The following ANKFN1 variants were observed in gnomAD, a reference collection of about 807,000 sequenced individuals.
ANKFN1 encodes ankyrin repeat and fibronectin type III domain containing 1, also known as ankyrin repeat and fibronectin type-III domain-containing protein 1.
In ANKFN1, 74 loss-of-function variants were observed where a neutral mutation model predicts 108.7. The ratio of observed to expected loss-of-function variants is 0.68; its 90% confidence interval spans 0.56 to 0.83. ANKFN1 has a LOEUF of 0.83. ANKFN1 is among the 40% of genes least tolerant of loss of function. The pLI is 0.00. For missense variants in ANKFN1, 1,505 were observed against 1,382.3 expected, an observed-to-expected ratio of 1.09 and a Z score of -1.41; for synonymous variants, 547 against 516.2, an observed-to-expected ratio of 1.06 and a Z score of -0.81.
chr17:56,092,423 C>G (rs1322593368), intron 4 of ANKFN1, among the ~76,000 whole-genome samples: 1 of 150,312 alleles, frequency 6.7e-6, no homozygotes, highest in Admixed American at 6.6e-5. Context: ...TACAGGCACC[C>G]CCCACCACGC....
chr17:56,344,667 A>G (rs1461076358), intron 4 of ANKFN1, among the ~76,000 whole-genome samples: 3 of 150,648 alleles, frequency 2.0e-5, no homozygotes, highest in African/African-American at 7.4e-5. Context: ...TTTTGGAAAG[A>G]AAAAAAAACA....
intron 3 of ANKFN1, among the ~76,000 whole-genome samples, chr17:56,307,679 G>A (rs893061666): frequency 1.1e-3 from 170 of 152,198 alleles, no homozygotes; most frequent in African/African-American, 2.5e-3. Context: ...GCGATTCCTC[G>A]GGGATCTAGA....
At chr17:56,282,875 A>G (rs539520198) in intron 3 of ANKFN1, among the ~76,000 whole-genome samples, 2 of 152,356 alleles carry the variant, frequency 1.3e-5, no homozygotes, top group Middle Eastern at 6.8e-3. Context: ...AAAAAATAAA[A>G]GTATAAGAAA....
Position 56,511,371 on chromosome 17 carries a change from G to C in ANKFN1, c.*102G>C. ...ACTGTGTACCCACTCATTTTCAAGC[G>C]TTTTGAATGTTATAAATACAAAGGT... is the stretch of plus-strand genomic sequence containing the variant. On this transcript the variant is annotated 3_prime_UTR_variant, in exon 21 of 21. Coordinates refer to ENST00000682825, the MANE Select transcript of ANKFN1 (RefSeq NM_001370326.1). 1 of 1,205,440 alleles carries C rather than the reference G, an allele frequency of 8.3e-7. No homozygotes were observed. The allele number at this position is 1,205,440 out of a possible 1,614,324, so 74.7% of individuals were successfully genotyped here.
At chr17:56,121,219 T>C (rs1342211932) in intron 4 of ANKFN1, among the ~76,000 whole-genome samples, 1 of 152,140 alleles carries the variant, frequency 6.6e-6, no homozygotes, top group Non-Finnish European at 1.5e-5. Context: ...TGTTTTTTTC[T>C]TGGTGTCGCC....
intron 4 of ANKFN1, among the ~76,000 whole-genome samples, chr17:56,329,185 G>T (rs990808218): frequency 5.3e-5 from 8 of 152,130 alleles, no homozygotes; most frequent in African/African-American, 1.9e-4. Context: ...AAGTTCTTTG[G>T]TGGTCTGGCC....
chr17:56,447,987 T>A (rs1568009076), intron 10 of ANKFN1, among the ~76,000 whole-genome samples: 1 of 152,172 alleles, frequency 6.6e-6, no homozygotes, highest in African/African-American at 2.4e-5. Flanking sequence ...TGCTTTTATA[T>A]AACTTTAACT....
chr17:56,497,792 T>A (rs919893078), intron 19 of ANKFN1, among the ~76,000 whole-genome samples: 4 of 152,126 alleles, frequency 2.6e-5, no homozygotes, highest in Non-Finnish European at 5.9e-5. Flanking sequence ...ACTAACTACC[T>A]CTTCTTACAG....
At chr17:56,307,822 C>G (rs1395340094) in intron 3 of ANKFN1, among the ~76,000 whole-genome samples, 3 of 152,112 alleles carry the variant, frequency 2.0e-5, no homozygotes, top group South Asian at 4.1e-4. Context: ...AGACTTGGAA[C>G]CAACCCAAAT....
chr17:56,464,039 A>G (rs1315104523), intron 14 of ANKFN1: 1 of 152,204 alleles, frequency 6.6e-6, no homozygotes, highest in Non-Finnish European at 1.5e-5. Context: ...TATGACAGGT[A>G]TTAACATGGT....
chr17:56,065,234 C>T (rs1905042039), intron 4 of ANKFN1, among the ~76,000 whole-genome samples: 1 of 152,214 alleles, frequency 6.6e-6, no homozygotes, highest in Non-Finnish European at 1.5e-5. Context: ...TCACCTCTCT[C>T]AGCCTTCACA....
chr17:56,145,202 T>G (rs991606949), intron 4 of ANKFN1, among the ~76,000 whole-genome samples: 2 of 152,200 alleles, frequency 1.3e-5, no homozygotes, highest in Admixed American at 1.3e-4. Context: ...TTAGAAACCA[T>G]GGAATGGGTA....
At chr17:56,096,948 T>A (rs1195703567) in intron 4 of ANKFN1, among the ~76,000 whole-genome samples, 1 of 152,196 alleles carries the variant, frequency 6.6e-6, no homozygotes. Flanking sequence ...AAGAATGATA[T>A]CATGTCCTTT....
intron 5 of ANKFN1, among the ~76,000 whole-genome samples, chr17:56,353,620 C>G (rs1224499420): frequency 6.6e-6 from 1 of 152,172 alleles, no homozygotes; most frequent in Non-Finnish European, 1.5e-5. Context: ...CCAGGCTATC[C>G]TGTATTCTCT....
intron 3 of ANKFN1, among the ~76,000 whole-genome samples, chr17:56,299,647 T>C (rs949144989): frequency 6.6e-6 from 1 of 152,172 alleles, no homozygotes; most frequent in Non-Finnish European, 1.5e-5. Flanking sequence ...AGGAAAACTA[T>C]CAAATTCCTC....
intron 15 of ANKFN1, among the ~76,000 whole-genome samples, chr17:56,470,300 A>C (rs973601627): frequency 1.3e-5 from 2 of 152,152 alleles, no homozygotes; most frequent in African/African-American, 4.8e-5. Flanking sequence ...TTGGGTATAT[A>C]CCCAGTAATG....
At chr17:56,487,480 T>C (rs1206676972) in intron 18 of ANKFN1, among the ~76,000 whole-genome samples, 1 of 152,102 alleles carries the variant, frequency 6.6e-6, no homozygotes, top group Non-Finnish European at 1.5e-5. Flanking sequence ...TTGGCCTTTG[T>C]TGATTTCCTT....
intron 4 of ANKFN1, 152 bp downstream of exon 4, chr17:56,326,507 C>T (rs535827122): frequency 2.4e-6 from 2 of 847,816 alleles, no homozygotes; most frequent in African/African-American, 3.4e-5. Context: ...ATGAAGAATA[C>T]ACACAAGCAC....
intron 4 of ANKFN1, among the ~76,000 whole-genome samples, chr17:56,054,396 C>G (rs1904829220): frequency 6.6e-6 from 1 of 152,188 alleles, no homozygotes. Context: ...GGTCGTAGAG[C>G]TAGTGAGTCT....
Sources: allele counts gnomAD v4.1 joint callset (sites outside exome capture counted in the v4.1 genomes callset), GRCh38; gene constraint gnomAD v4.1.1; transcripts MANE v1.5; gene names NCBI Gene and HGNC (gene_info 2026-07-23, HGNC 2026-07-21).